The following GALNT9 variants were observed in gnomAD, a reference collection of about 807,000 sequenced individuals.
The protein encoded by GALNT9 is polypeptide N-acetylgalactosaminyltransferase 9, also known as GalNAc transferase 9.
GALNT9 carries 47 observed loss-of-function variants against 63.1 expected under a neutral mutation model. The observed-to-expected ratio is 0.75, with a 90% CI of 0.59 to 0.95. The LOEUF (loss-of-function observed/expected upper bound fraction) is 0.95. GALNT9 is among the 40% of genes least tolerant of loss of function. The pLI is 0.00. For synonymous variants in GALNT9, 396 were observed against 365.7 expected (o/e 1.08, Z -0.94); for missense variants, 829 against 874.8 (o/e 0.95, Z 0.66).
At chr12:132,320,211 ATT>A (rs1868715447) in intron 1 of GALNT9, among the ~76,000 whole-genome samples, 1 of 108,042 alleles carries the variant, frequency 9.3e-6, no homozygotes, top group Non-Finnish European at 2.0e-5. Context: ...CGCTTGTTTT[ATT>A]TTTATTTGTT....
chr12:132,312,302 G>A (rs1881842013), intron 1 of GALNT9, among the ~76,000 whole-genome samples: 1 of 152,244 alleles, frequency 6.6e-6, no homozygotes, highest in African/African-American at 2.4e-5. Context: ...GGAATGACTG[G>A]AAGTATCTGG....
intron 6 of GALNT9, among the ~76,000 whole-genome samples, chr12:132,219,652 C>T (rs556343870): frequency 1.4e-3 from 220 of 152,202 alleles, no homozygotes; most frequent in African/African-American, 5.0e-3. Context: ...GCAGCACCCG[C>T]GCTTGGGTAA....
chr12:132,236,253 C>T lies in GALNT9; in HGVS notation c.1077+11657G>A, dbSNP rs1295725294. 8.6e-5 allele frequency among the ~76,000 whole-genome samples: 13 copies of T among 152,044 alleles called. No individual in the cohort carries two copies. The highest frequency in any genetic ancestry group is 2.7e-4 in the African/African-American group (11 of 41,482). On this transcript the variant is annotated intron_variant, in intron 6 of 10. Coordinates refer to ENST00000328957, the MANE Select transcript of GALNT9 (RefSeq NM_001122636.2). This position sits in a 1 kb window ranked among gnomAD's most constrained non-coding sequence, Gnocchi z 5.6. The stretch of plus-strand genomic sequence containing the variant: ...CGTGAATAAATCAGCAATGACAGCC[C>T]CGACAGGCGGCTGGCGGGGAGCGGG...
chr12:132,312,551 C>T (rs1555245281), intron 1 of GALNT9, among the ~76,000 whole-genome samples: 2 of 152,234 alleles, frequency 1.3e-5, no homozygotes, highest in African/African-American at 2.4e-5. Flanking sequence ...ATGGTGCACA[C>T]ACCTGGGTCC....
chr12:132,281,921 A>G (rs1352153845), intron 2 of GALNT9, among the ~76,000 whole-genome samples: 1 of 143,908 alleles, frequency 6.9e-6, no homozygotes, highest in African/African-American at 2.6e-5. Context: ...CCCCGATCCC[A>G]CAGAGGAGGA....
chr12:132,209,541 C>T (rs1876867598), intron 6 of GALNT9, among the ~76,000 whole-genome samples: 1 of 152,006 alleles, frequency 6.6e-6, no homozygotes, highest in South Asian at 2.1e-4. Context: ...CAGAGCAAGA[C>T]TTCATCTCAA....
intron 2 of GALNT9, among the ~76,000 whole-genome samples, chr12:132,263,861 G>T (rs549636135): frequency 1.2e-3 from 182 of 152,258 alleles, no homozygotes; most frequent in African/African-American, 4.3e-3. Flanking sequence ...GCCTCTGGGG[G>T]ACAGTGGTGG....
chr12:132,209,318 A>G (rs896663127), intron 6 of GALNT9, among the ~76,000 whole-genome samples: 2 of 152,140 alleles, frequency 1.3e-5, no homozygotes, highest in African/African-American at 2.4e-5. Flanking sequence ...TGAAGTCAAG[A>G]GATCGTGACC....
intron 6 of GALNT9, chr12:132,240,870 T>C: frequency 2.7e-6 from 1 of 376,626 alleles, no homozygotes; most frequent in Non-Finnish European, 5.3e-6. Flanking sequence ...CCCAGGGCCG[T>C]CCCTATACCC....
chr12:132,293,890 C>T (rs1593110091), intron 1 of GALNT9, among the ~76,000 whole-genome samples: 2 of 152,070 alleles, frequency 1.3e-5, no homozygotes, highest in African/African-American at 2.4e-5. Flanking sequence ...CGTATACAGT[C>T]GGGGCCAGAA....
intron 9 of GALNT9, among the ~76,000 whole-genome samples, chr12:132,198,425 T>TGTGGG (rs1875710509): frequency 2.4e-5 from 2 of 83,258 alleles, no homozygotes; most frequent in African/African-American, 1.0e-4. Context: ...ACTGTGATTC[T>TGTGGG]GCGGGGCTGG....
At chr12:132,260,923 C>T in intron 4 of GALNT9, 25 bp downstream of exon 4, 4 of 1,499,688 alleles carry the variant, frequency 2.7e-6, no homozygotes, top group Non-Finnish European at 3.6e-6. Context: ...CTGAGACTGG[C>T]TGTCCAGCCT....
At chr12:132,300,936 T>C (rs28569099) in intron 1 of GALNT9, among the ~76,000 whole-genome samples, 28,290 of 152,306 alleles carry the variant, frequency 0.19, 3,023 homozygotes, top group African/African-American at 0.31. Context: ...CCTCTCTCAA[T>C]GCCATGGTGG....
Position 132,262,536 on chromosome 12 carries a change from G to A in GALNT9, c.509C>T (p.Ser170Phe). 6.4e-7 allele frequency: 1 copy of A among 1,551,498 alleles called. No individual in the cohort carries two copies. Among genetic ancestry groups the A allele is most frequent in the Non-Finnish European group, 8.7e-7 (1 of 1,146,934 alleles). ...CGTGTGGTTGACCACGCTGTGCACG[G>A]AGCGCAGGATGACCGACAGCGCCTC... ...VNEALSVILR[S>F]VHSVVNHTPS... Residue 170 changes from serine to phenylalanine, a missense_variant, in exon 3 of 11, where the codon TCC (serine) becomes TTC (phenylalanine). Coordinates refer to ENST00000328957, the MANE Select transcript of GALNT9 (RefSeq NM_001122636.2).
chr12:132,278,304 T>C (rs565425125), intron 2 of GALNT9: 1 of 152,268 alleles, frequency 6.6e-6, no homozygotes, highest in Non-Finnish European at 1.5e-5. Context: ...TTTAAAAAAA[T>C]ACCAAAAATA....
intron 6 of GALNT9, among the ~76,000 whole-genome samples, chr12:132,210,848 G>T (rs887269652): frequency 6.6e-6 from 1 of 150,406 alleles, no homozygotes; most frequent in Non-Finnish European, 1.5e-5. Context: ...TCTGGAGGTC[G>T]CCGTCTGGCG....
intron 2 of GALNT9, among the ~76,000 whole-genome samples, chr12:132,272,119 G>T (rs1555240793): frequency 6.6e-6 from 1 of 152,210 alleles, no homozygotes; most frequent in African/African-American, 2.4e-5. Context: ...GCGGTCGGGG[G>T]ACGCACCGTG....
At chr12:132,320,027 C>T (rs955268935) in intron 1 of GALNT9, among the ~76,000 whole-genome samples, 10 of 152,218 alleles carry the variant, frequency 6.6e-5, no homozygotes, top group Non-Finnish European at 8.8e-5. Context: ...GTCCCGTTAG[C>T]GTTCACTCTG....
intron 1 of GALNT9, among the ~76,000 whole-genome samples, chr12:132,300,527 C>G (rs961832611): frequency 1.4e-5 from 2 of 139,950 alleles, no homozygotes. Context: ...CCAAGCCACT[C>G]CTGAGATAAC....
Sources: gnomAD v4.1 joint callset for allele counts (sites outside exome capture counted in the v4.1 genomes callset) on GRCh38, gnomAD v4.1.1 for gene constraint, Gnocchi (gnomAD v3.1) non-coding constraint, MANE v1.5 for transcripts, NCBI Gene and HGNC (gene_info 2026-07-23, HGNC 2026-07-21) for gene names.